Variants in IKZF3 observed in about 807,000 individuals in gnomAD.
IKZF3 encodes the protein zinc finger protein Aiolos.
In IKZF3, 10 loss-of-function variants were observed where a neutral mutation model predicts 49.0. The observed-to-expected ratio is 0.20, with a 90% CI of 0.13 to 0.35. The LOEUF is 0.35. IKZF3 is among the 10% of genes least tolerant of loss of function. The pLI is 1.00. For synonymous variants in IKZF3, 209 were observed against 228.2 expected, an observed-to-expected ratio of 0.92 and a Z score of 0.76; for missense variants, 498 against 664.8, an observed-to-expected ratio of 0.75 and a Z score of 2.76.
chr17:39,821,053 C>G (rs762818827), intron 3 of IKZF3, among the ~76,000 whole-genome samples: 1 of 151,974 alleles, frequency 6.6e-6, no homozygotes, highest in Admixed American at 6.6e-5. Flanking sequence ...AGTAAAGAAA[C>G]TTTTTGAGCT....
At chr17:39,806,566 A>G (rs1156842811) in intron 3 of IKZF3, among the ~76,000 whole-genome samples, 1 of 152,232 alleles carries the variant, frequency 6.6e-6, no homozygotes, top group Non-Finnish European at 1.5e-5. Flanking sequence ...TAGAATGGCT[A>G]CTATAAAAAA....
At chr17:39,813,392 C>A (rs2144121981) in intron 3 of IKZF3, among the ~76,000 whole-genome samples, 1 of 151,804 alleles carries the variant, frequency 6.6e-6, no homozygotes, top group African/African-American at 2.4e-5. Context: ...CACCTGTAAT[C>A]CCAGCACTTT....
At chr17:39,801,627 T>C (rs1403767271) in intron 3 of IKZF3, among the ~76,000 whole-genome samples, 4 of 152,198 alleles carry the variant, frequency 2.6e-5, no homozygotes, top group Non-Finnish European at 4.4e-5. Flanking sequence ...CTCTTTGTAT[T>C]AGGAAGAAGA....
chr17:39,854,265 C>T (rs2062973768), intron 1 of IKZF3, among the ~76,000 whole-genome samples: 1 of 151,452 alleles, frequency 6.6e-6, no homozygotes, highest in African/African-American at 2.4e-5. Context: ...TTTGTAGAAT[C>T]ACCATGAATG....
intron 7 of IKZF3, among the ~76,000 whole-genome samples, chr17:39,777,428 A>T (rs1051661603): frequency 3.3e-5 from 5 of 152,238 alleles, no homozygotes; most frequent in African/African-American, 1.2e-4. Context: ...AGGAAATTGG[A>T]TATCAACTAC....
intron 7 of IKZF3, among the ~76,000 whole-genome samples, chr17:39,776,001 G>A (rs1391585432): frequency 1.3e-5 from 2 of 151,584 alleles, no homozygotes; most frequent in Non-Finnish European, 2.9e-5. Flanking sequence ...TCCCTATGAT[G>A]TCCCTCCTCT....
chr17:39,813,524 G>T (rs1196393993), intron 3 of IKZF3, among the ~76,000 whole-genome samples: 1 of 151,772 alleles, frequency 6.6e-6, no homozygotes, highest in Non-Finnish European at 1.5e-5. Context: ...TGCAACTGTA[G>T]TCACAGCTAC....
chr17:39,836,225 C>G (rs973075691), intron 1 of IKZF3: 67 of 619,844 alleles, frequency 1.1e-4, no homozygotes, highest in Non-Finnish European at 1.8e-4. Context: ...CCTATAACCA[C>G]CAGCTCGGCC....
chr17:39,830,664 G>A (rs2062084663), intron 2 of IKZF3, among the ~76,000 whole-genome samples: 1 of 152,152 alleles, frequency 6.6e-6, no homozygotes, highest in African/African-American at 2.4e-5. Context: ...GAAATGAACT[G>A]AAAAGTTACC....
intron 7 of IKZF3, among the ~76,000 whole-genome samples, chr17:39,767,481 G>C (rs2060323306): frequency 6.6e-6 from 1 of 152,120 alleles, no homozygotes; most frequent in South Asian, 2.1e-4. Flanking sequence ...GGAGCCGAGT[G>C]CTGGAGGTGA....
intron 1 of IKZF3, among the ~76,000 whole-genome samples, chr17:39,841,049 A>G (rs975720092): frequency 6.6e-6 from 1 of 152,036 alleles, no homozygotes; most frequent in Non-Finnish European, 1.5e-5. Flanking sequence ...TGTTGGCATG[A>G]GCCTGTAGTC....
At chr17:39,838,587 T>C (rs560833124) in intron 1 of IKZF3, among the ~76,000 whole-genome samples, 15 of 152,358 alleles carry the variant, frequency 9.8e-5, no homozygotes, top group Admixed American at 4.6e-4. Flanking sequence ...TCCCACGCTT[T>C]TCCTTCTATA....
intron 7 of IKZF3, among the ~76,000 whole-genome samples, chr17:39,770,036 T>G (rs1324842288): frequency 1.3e-5 from 2 of 152,192 alleles, no homozygotes; most frequent in Non-Finnish European, 2.9e-5. Flanking sequence ...TGCATGCAAC[T>G]TGCAATCATC....
At position 39,768,971 on chromosome 17, in the gene IKZF3, T is replaced by C. The variant is rs149459039; in HGVS notation, c.827-2478A>G. 9.8e-4 allele frequency among the ~76,000 whole-genome samples: 149 copies of C among 152,244 alleles called. 3 individuals are homozygous for C. The East Asian group carries it at 0.024, about 25-fold the overall frequency. On this transcript the variant is annotated intron_variant, in intron 7 of 7. Transcript: ENST00000346872. ...TGTTAAAAACAGAGATTACCAAGTG[T>C]GAGATTAGTGTTAAAGACAACTGGC...
At chr17:39,783,161 A>G (rs1437606772) in intron 6 of IKZF3, among the ~76,000 whole-genome samples, 2 of 152,224 alleles carry the variant, frequency 1.3e-5, no homozygotes, top group East Asian at 1.9e-4. Context: ...TCTATGGTGT[A>G]GTCAGTCAGT....
chr17:39,793,853 C>T (rs892152377), intron 3 of IKZF3, among the ~76,000 whole-genome samples: 7 of 151,992 alleles, frequency 4.6e-5, no homozygotes, highest in Admixed American at 6.6e-5. Context: ...ATATGAAGAA[C>T]GTGGGAAAAA....
At chr17:39,832,880 G>A (rs2062153672) in intron 1 of IKZF3, among the ~76,000 whole-genome samples, 1 of 152,044 alleles carries the variant, frequency 6.6e-6, no homozygotes, top group Non-Finnish European at 1.5e-5. Context: ...GACTTGAATT[G>A]TTTCCAACAC....
rs528792070 is a variant in IKZF3 at position 39,850,447 on chromosome 17, A to ATAT, written c.7+13672_7+13673insATA. 4.7e-3 allele frequency among the ~76,000 whole-genome samples: 600 copies of ATAT among 126,438 alleles called. 15 individuals carry two copies. Among genetic ancestry groups the ATAT allele is most frequent in the African/African-American group, 0.018 (577 of 31,724 alleles). The allele number at this position is 126,438 out of a possible 152,430, so 82.9% of individuals were successfully genotyped here. ...TGTATGTATATATAATATATAGTAT[A>ATAT]AATATATAGCATATTATACATGTAC... On this transcript the variant is annotated intron_variant, in intron 1 of 7. Coordinates refer to ENST00000346872, the MANE Select transcript of IKZF3 (RefSeq NM_012481.5).
intron 7 of IKZF3, among the ~76,000 whole-genome samples, chr17:39,767,111 G>C (rs1264182194): frequency 6.6e-6 from 1 of 152,112 alleles, no homozygotes; most frequent in Non-Finnish European, 1.5e-5. Flanking sequence ...AAGTGAAAGA[G>C]CTTCAAATGT....
Sources: allele counts gnomAD v4.1 joint callset (sites outside exome capture counted in the v4.1 genomes callset), GRCh38; gene constraint gnomAD v4.1.1; transcripts MANE v1.5; gene names NCBI Gene and HGNC (gene_info 2026-07-23, HGNC 2026-07-21).